The following RGS7 variants were observed in gnomAD, a reference collection of about 807,000 sequenced individuals.
RGS7 encodes the protein regulator of G-protein signaling 7.
RGS7 carries 27 observed loss-of-function variants against 81.1 expected under a neutral mutation model. That is an observed-to-expected ratio of 0.33 (90% CI 0.25 to 0.46). The LOEUF (loss-of-function observed/expected upper bound fraction) is 0.46, where lower values mean the gene tolerates loss of function less well. RGS7 is among the 20% of genes least tolerant of loss of function. The pLI, the probability that RGS7 is intolerant of heterozygous loss-of-function variation, is 1.00. For synonymous variants in RGS7, 208 were observed against 207.7 expected (o/e 1.00, Z -0.01); for missense variants, 396 against 607.4 (o/e 0.65, Z 3.66).
At chr1:240,956,054 T>G (rs947797721) in intron 4 of RGS7, among the ~76,000 whole-genome samples, 1 of 152,178 alleles carries the variant, frequency 6.6e-6, no homozygotes, top group African/African-American at 2.4e-5. Flanking sequence ...CACTAAAATT[T>G]AGAATTACCA....
At chr1:241,274,989 A>G (rs1376107206) in intron 2 of RGS7, among the ~76,000 whole-genome samples, 2 of 152,254 alleles carry the variant, frequency 1.3e-5, no homozygotes, top group African/African-American at 4.8e-5. Flanking sequence ...ATGATTCTAT[A>G]TTATCTGAAT....
At chr1:241,336,985 C>A (rs550825038) in intron 2 of RGS7, among the ~76,000 whole-genome samples, 1 of 152,088 alleles carries the variant, frequency 6.6e-6, no homozygotes, top group Non-Finnish European at 1.5e-5. Context: ...AGGGAAGTAG[C>A]TTGGTATAGT....
At chr1:240,882,772 C>T (rs1032540581) in intron 6 of RGS7, among the ~76,000 whole-genome samples, 5 of 152,072 alleles carry the variant, frequency 3.3e-5, no homozygotes, top group African/African-American at 1.2e-4. Context: ...TAAAGGTTTA[C>T]TGATTGAATT....
intron 3 of RGS7, among the ~76,000 whole-genome samples, chr1:241,054,269 AAGAGTC>A (rs1217900080): frequency 4.6e-5 from 7 of 152,212 alleles, no homozygotes; most frequent in Non-Finnish European, 8.8e-5. Context: ...TGTGCAACAG[AAGAGTC>A]AGAGGGAGCT....
chr1:241,212,871 G>T (rs2074326103), intron 2 of RGS7, among the ~76,000 whole-genome samples: 1 of 152,174 alleles, frequency 6.6e-6, no homozygotes, highest in South Asian at 2.1e-4. Context: ...TCCCACTGCT[G>T]TGTGGGCCAC....
At chr1:240,953,009 A>T (rs1000028374) in intron 4 of RGS7, among the ~76,000 whole-genome samples, 3 of 151,936 alleles carry the variant, frequency 2.0e-5, no homozygotes, top group African/African-American at 7.2e-5. Context: ...TTGATTATGA[A>T]GATCACTTTT....
rs565258606 is a variant in RGS7, at chr1:240,907,687, G to A, written c.385+23030C>T. On this transcript the variant is annotated intron_variant, in intron 6 of 18. Transcript: ENST00000440928. The stretch of plus-strand genomic sequence containing the variant: ...AAGGCCCTGTCTCTAAACATCCCAC[G>A]TTGAGATAACTTCAATGTTTGATCA... Among the ~76,000 whole-genome samples, 8 of 152,280 alleles carry A rather than the reference G, an allele frequency of 5.3e-5. No homozygotes were observed. In the South Asian group the frequency reaches 8.3e-4, roughly 16 times the overall value.
intron 9 of RGS7, among the ~76,000 whole-genome samples, chr1:240,856,409 C>T (rs1322586891): frequency 6.6e-6 from 1 of 152,118 alleles, no homozygotes; most frequent in South Asian, 2.1e-4. Flanking sequence ...TCTCTTTAGC[C>T]TTTAGTGTGG....
intron 2 of RGS7, among the ~76,000 whole-genome samples, chr1:241,224,231 G>A (rs1476813260): frequency 6.6e-6 from 1 of 151,250 alleles, no homozygotes; most frequent in African/African-American, 2.4e-5. Context: ...ATTCTCCAAT[G>A]CTATCCCACC....
At chr1:240,903,020 C>T (rs960036054) in intron 6 of RGS7, among the ~76,000 whole-genome samples, 1 of 152,118 alleles carries the variant, frequency 6.6e-6, no homozygotes, top group African/African-American at 2.4e-5. Context: ...ATAAAAATTA[C>T]TTTTATAATA....
chr1:241,229,370 T>C (rs1272212940), intron 2 of RGS7, among the ~76,000 whole-genome samples: 1 of 152,206 alleles, frequency 6.6e-6, no homozygotes, highest in African/African-American at 2.4e-5. Context: ...TCTAAACCTC[T>C]TCTCTGACCT....
intron 6 of RGS7, among the ~76,000 whole-genome samples, chr1:240,892,081 C>T (rs2148148678): frequency 6.6e-6 from 1 of 152,294 alleles, no homozygotes; most frequent in South Asian, 2.1e-4. Flanking sequence ...TTATTCCTCA[C>T]ACTGCTTCCT....
chr1:241,355,556 C>A, intron 2 of RGS7, 143 bp downstream of exon 2: 1 of 773,398 alleles, frequency 1.3e-6, no homozygotes, highest in Admixed American at 1.9e-5. Flanking sequence ...TGTCAGATCA[C>A]TTTCACGTAT....
intron 2 of RGS7, among the ~76,000 whole-genome samples, chr1:241,231,575 T>C (rs548696098): frequency 6.6e-6 from 1 of 152,232 alleles, no homozygotes; most frequent in East Asian, 1.9e-4. Flanking sequence ...GGCAGGCTGG[T>C]CTCGAACTCC....
intron 2 of RGS7, among the ~76,000 whole-genome samples, chr1:241,266,525 T>C (rs535818023): frequency 6.6e-6 from 1 of 152,346 alleles, no homozygotes; most frequent in Admixed American, 6.5e-5. Flanking sequence ...TCTATTTCCT[T>C]TAATTTAAAA....
At chr1:241,044,206 G>A (rs1307340753) in intron 3 of RGS7, among the ~76,000 whole-genome samples, 1 of 149,482 alleles carries the variant, frequency 6.7e-6, no homozygotes, top group African/African-American at 2.5e-5. Context: ...CCCGCCTCCT[G>A]GGTTCAAGCG....
chr1:241,226,599 G>C (rs904723677), intron 2 of RGS7, among the ~76,000 whole-genome samples: 1 of 152,160 alleles, frequency 6.6e-6, no homozygotes, highest in African/African-American at 2.4e-5. Context: ...AGAGGTAAAA[G>C]ACAATCAACA....
At chr1:241,139,625 G>A (rs937254573) in intron 2 of RGS7, among the ~76,000 whole-genome samples, 5 of 152,158 alleles carry the variant, frequency 3.3e-5, no homozygotes, top group African/African-American at 4.8e-5. Context: ...CCATCAGCAA[G>A]TGTGAGGGGG....
intron 2 of RGS7, among the ~76,000 whole-genome samples, chr1:241,195,013 A>G (rs533975535): frequency 1.3e-5 from 2 of 152,346 alleles, no homozygotes; most frequent in East Asian, 3.9e-4. Flanking sequence ...GAAAAGTTTT[A>G]GGTCAGCTCA....
Sources: allele counts gnomAD v4.1 joint callset (sites outside exome capture counted in the v4.1 genomes callset), GRCh38; gene constraint gnomAD v4.1.1; transcripts MANE v1.5; gene names NCBI Gene and HGNC (gene_info 2026-07-23, HGNC 2026-07-21).